COL14A1: variants seen among roughly 807,000 people sequenced by gnomAD.
COL14A1 encodes collagen type XIV alpha 1 chain.
COL14A1 carries 136 observed loss-of-function variants against 230.3 expected under a neutral mutation model. The observed-to-expected ratio is 0.59, with a 90% CI of 0.51 to 0.68. The LOEUF (loss-of-function observed/expected upper bound fraction) is 0.68. Among genes scored for constraint, COL14A1 ranks in the 30% least tolerant of loss-of-function variants. COL14A1 has a pLI of 0.00. For synonymous variants in COL14A1, 792 were observed against 784.1 expected, an observed-to-expected ratio of 1.01 and a Z score of -0.17; for missense variants, 1,976 against 2,215.8, an observed-to-expected ratio of 0.89 and a Z score of 2.17.
intron 19 of COL14A1, among the ~76,000 whole-genome samples, chr8:120,237,826 C>T (rs780775108): frequency 1.4e-4 from 21 of 152,110 alleles, no homozygotes; most frequent in Non-Finnish European, 2.4e-4. Context: ...GATGTTGATG[C>T]TATTGCTTCC....
chr8:120,154,733 T>C (rs1293383594), intron 2 of COL14A1, among the ~76,000 whole-genome samples: 1 of 152,140 alleles, frequency 6.6e-6, no homozygotes, highest in Non-Finnish European at 1.5e-5. Context: ...ATAAATTAAT[T>C]TTTCAGTCAA....
At chr8:120,340,986 C>T (rs959166775) in intron 42 of COL14A1, among the ~76,000 whole-genome samples, 2 of 152,172 alleles carry the variant, frequency 1.3e-5, no homozygotes, top group African/African-American at 2.4e-5. Flanking sequence ...CAGTAGAATA[C>T]AGTACATAGA....
At chr8:120,291,749 T>A (rs7835757) in intron 34 of COL14A1, among the ~76,000 whole-genome samples, 102,315 of 151,826 alleles carry the variant, frequency 0.67, 36,015 homozygotes, top group African/African-American at 0.89. Flanking sequence ...GAAGAAAGTC[T>A]ATAACACATT....
intron 4 of COL14A1, among the ~76,000 whole-genome samples, chr8:120,165,645 T>C (rs1260519228): frequency 6.6e-6 from 1 of 151,940 alleles, no homozygotes; most frequent in South Asian, 2.1e-4. Context: ...ATATCTTATA[T>C]GTGACATAGT....
chr8:120,239,990 T>C (rs1818565105), intron 19 of COL14A1, among the ~76,000 whole-genome samples: 1 of 152,098 alleles, frequency 6.6e-6, no homozygotes, highest in Non-Finnish European at 1.5e-5. Flanking sequence ...ATATTTACTT[T>C]GGGTTGTCTC....
At chr8:120,351,477 T>A in intron 45 of COL14A1, among the ~76,000 whole-genome samples, 1 of 90,626 alleles carries the variant, frequency 1.1e-5, no homozygotes, top group African/African-American at 4.7e-5. Context: ...TCAACAAAAT[T>A]GATAGACCGC....
intron 40 of COL14A1, among the ~76,000 whole-genome samples, chr8:120,326,959 G>A (rs892405407): frequency 6.6e-6 from 1 of 152,166 alleles, no homozygotes; most frequent in African/African-American, 2.4e-5. Flanking sequence ...CTGGGAGGCG[G>A]AGGTTGCCAT....
At chr8:120,332,550 GA>G in intron 41 of COL14A1, 113 bp from the exon 42 acceptor site, 1 of 848,752 alleles carries the variant, frequency 1.2e-6, no homozygotes, top group Non-Finnish European at 1.9e-6. Flanking sequence ...TCCTGGTGAT[GA>G]GGGGGAGGGA....
chr8:120,158,647 A>T (rs112259066), intron 3 of COL14A1, among the ~76,000 whole-genome samples: 45 of 152,184 alleles, frequency 3.0e-4, no homozygotes, highest in Admixed American at 1.2e-3. Flanking sequence ...CTAAGTGGAC[A>T]TTGTGAAAAT....
At chr8:120,192,875 G>A (rs1228333975) in intron 5 of COL14A1, among the ~76,000 whole-genome samples, 28 of 152,108 alleles carry the variant, frequency 1.8e-4, no homozygotes, top group African/African-American at 5.8e-4. Context: ...CGTAGTTCTC[G>A]AGCCTTGGCT....
chr8:120,187,783 G>C (rs542802918), intron 5 of COL14A1, among the ~76,000 whole-genome samples: 1 of 152,328 alleles, frequency 6.6e-6, no homozygotes, highest in African/African-American at 2.4e-5. Context: ...GCAGGGGCAA[G>C]CCCTGCAGAG....
intron 33 of COL14A1, 58 bp from the exon 34 acceptor site, chr8:120,289,550 A>T: frequency 7.0e-7 from 1 of 1,430,120 alleles, no homozygotes; most frequent in Non-Finnish European, 9.7e-7. Flanking sequence ...CAATTATACA[A>T]ATTTGGTTGA....
chr8:120,290,431 T>G (rs1389230368), intron 34 of COL14A1, among the ~76,000 whole-genome samples: 1 of 152,204 alleles, frequency 6.6e-6, no homozygotes, highest in Non-Finnish European at 1.5e-5. Flanking sequence ...TTTTTTGTGT[T>G]AATACTGTGT....
chr8:120,192,412 T>C (rs1347702898), intron 5 of COL14A1, among the ~76,000 whole-genome samples: 1 of 152,206 alleles, frequency 6.6e-6, no homozygotes, highest in Non-Finnish European at 1.5e-5. Context: ...TGCCGAGAGA[T>C]CCACTGTTAG....
intron 7 of COL14A1, among the ~76,000 whole-genome samples, chr8:120,198,413 C>G (rs1360544323): frequency 6.6e-6 from 1 of 152,084 alleles, no homozygotes; most frequent in Non-Finnish European, 1.5e-5. Context: ...CTTTGGCTCA[C>G]AGTATTTTTG....
intron 44 of COL14A1, among the ~76,000 whole-genome samples, chr8:120,343,212 C>T (rs1323470107): frequency 6.6e-6 from 1 of 152,142 alleles, no homozygotes; most frequent in Non-Finnish European, 1.5e-5. Flanking sequence ...GTGGGCCCTT[C>T]GCTTTGCCAG....
In COL14A1 at chr8:120,195,129, A is replaced by C. The variant is rs182959811; in HGVS notation, c.437-1662A>C. ...TTTTCCCCATCTGGTAAAAGCATCT[A>C]GGTATCCCATGAATATTTATATCTG... On this transcript the variant is annotated intron_variant, in intron 5 of 47. Coordinates refer to ENST00000297848, the MANE Select transcript of COL14A1 (RefSeq NM_021110.4). Among the ~76,000 whole-genome samples, 211 of 152,328 alleles carry C rather than the reference A, an allele frequency of 1.4e-3. 1 individual carries two copies. The highest frequency in any genetic ancestry group is 4.8e-3 in the African/African-American group (200 of 41,584).
chr8:120,232,257 T>C (rs1452855839), intron 19 of COL14A1, among the ~76,000 whole-genome samples: 1 of 152,152 alleles, frequency 6.6e-6, no homozygotes, highest in Non-Finnish European at 1.5e-5. Flanking sequence ...ATACACTCTT[T>C]TTTTCTAATT....
intron 5 of COL14A1, among the ~76,000 whole-genome samples, chr8:120,186,571 A>C (rs142530839): frequency 1.1e-4 from 16 of 152,166 alleles, no homozygotes; most frequent in African/African-American, 3.6e-4. Flanking sequence ...CTTTCGTTCA[A>C]CTTAGCCTCC....
Sources: gnomAD v4.1 joint callset for allele counts (sites outside exome capture counted in the v4.1 genomes callset) on GRCh38, gnomAD v4.1.1 for gene constraint, MANE v1.5 for transcripts, NCBI Gene and HGNC (gene_info 2026-07-23, HGNC 2026-07-21) for gene names.